The following NOX4 variants were observed in gnomAD, a reference collection of about 807,000 sequenced individuals.
NOX4 encodes kidney oxidase-1.
NOX4 carries 69 observed loss-of-function variants against 87.6 expected under a neutral mutation model. That is an observed-to-expected ratio of 0.79 (90% confidence interval 0.65 to 0.96). The LOEUF (loss-of-function observed/expected upper bound fraction) is 0.96. NOX4 is among the 40% of genes least tolerant of loss of function. The pLI is 0.00. For missense variants in NOX4, 680 were observed against 681.5 expected, an observed-to-expected ratio of 1.00 and a Z score of 0.02; for synonymous variants, 275 against 238.2, an observed-to-expected ratio of 1.15 and a Z score of -1.42.
At chr11:89,386,212 C>A (rs1940690164) in intron 11 of NOX4, among the ~76,000 whole-genome samples, 1 of 152,126 alleles carries the variant, frequency 6.6e-6, no homozygotes, top group African/African-American at 2.4e-5. Flanking sequence ...AGGCCCCAGT[C>A]TCATTCTAGA....
At chr11:89,387,125 A>C (rs2135119711) in intron 11 of NOX4, among the ~76,000 whole-genome samples, 1 of 151,700 alleles carries the variant, frequency 6.6e-6, no homozygotes, top group East Asian at 1.9e-4. Flanking sequence ...ACCCCCAAAA[A>C]TTTTCGCCAC....
the NOX4 span, among the ~76,000 whole-genome samples, chr11:89,531,441 G>A: frequency 3.3e-5 from 5 of 152,148 alleles, no homozygotes; most frequent in East Asian, 7.7e-4. Context: ...AATACCAAAT[G>A]CTAGCTGCCT....
chr11:89,420,596 C>T (rs993304437), intron 8 of NOX4, among the ~76,000 whole-genome samples: 1 of 151,830 alleles, frequency 6.6e-6, no homozygotes, highest in Admixed American at 6.6e-5. Flanking sequence ...TCAGCAGTCT[C>T]TAAAATCAGG....
chr11:89,385,442 C>T (rs1940633231), intron 11 of NOX4, among the ~76,000 whole-genome samples: 1 of 152,138 alleles, frequency 6.6e-6, no homozygotes, highest in African/African-American at 2.4e-5. Context: ...CCACCTACTC[C>T]CCCACTGAAA....
At chr11:89,538,031 G>A in the NOX4 span, among the ~76,000 whole-genome samples, 2 of 152,052 alleles carry the variant, frequency 1.3e-5, no homozygotes, top group Non-Finnish European at 2.9e-5. Context: ...CCAGTCCCTG[G>A]CTCTCTGCTG....
chr11:89,588,129 A>G, the NOX4 span, among the ~76,000 whole-genome samples: 3 of 152,230 alleles, frequency 2.0e-5, no homozygotes, highest in African/African-American at 7.2e-5. Context: ...AACACATTTA[A>G]TGAAAATTAT....
chr11:89,558,221 T>G, the NOX4 span, among the ~76,000 whole-genome samples: 1 of 152,156 alleles, frequency 6.6e-6, no homozygotes, highest in Non-Finnish European at 1.5e-5. Flanking sequence ...TGCCCTTTAC[T>G]AATTCATGCA....
chr11:89,437,089 G>A (rs1176541847), intron 6 of NOX4, among the ~76,000 whole-genome samples: 9 of 151,950 alleles, frequency 5.9e-5, no homozygotes, highest in Non-Finnish European at 1.3e-4. Flanking sequence ...TCAGCTGGGC[G>A]CAGTGGCTCA....
upstream of NOX4, chr11:89,498,603 G>T (rs1946984579): frequency 6.6e-6 from 1 of 152,116 alleles, no homozygotes. Context: ...GCATATATTT[G>T]GGTACCTTTG....
chr11:89,402,957 A>G (rs748080645), intron 8 of NOX4, among the ~76,000 whole-genome samples: 8 of 152,192 alleles, frequency 5.3e-5, no homozygotes, highest in Non-Finnish European at 1.0e-4. Context: ...CAGGGAATAT[A>G]TTTAACTTGG....
intron 8 of NOX4, among the ~76,000 whole-genome samples, chr11:89,414,210 T>G (rs575076456): frequency 6.6e-6 from 1 of 152,212 alleles, no homozygotes; most frequent in South Asian, 2.1e-4. Context: ...AATACCAAAA[T>G]GTGTGGGATA....
intron 8 of NOX4, 98 bp from the exon 9 acceptor site, chr11:89,402,640 T>C: frequency 1.0e-6 from 1 of 955,286 alleles, no homozygotes; most frequent in Non-Finnish European, 1.6e-6. Flanking sequence ...TGTTTTTGTT[T>C]GCTAACTTTA....
At chr11:89,556,946 A>C in the NOX4 span, 2 of 152,192 alleles carry the variant, frequency 1.3e-5, no homozygotes, top group African/African-American at 2.4e-5. Flanking sequence ...TGTTTTAATG[A>C]AAATGTGATG....
At chr11:89,423,483 T>C (rs543371530) in intron 7 of NOX4, among the ~76,000 whole-genome samples, 1 of 152,180 alleles carries the variant, frequency 6.6e-6, no homozygotes, top group Non-Finnish European at 1.5e-5. Flanking sequence ...CAGGTTCTTA[T>C]ATATTGCAAG....
At chr11:89,426,464 CTTGGCTAGCCAAGG>C (rs974524805) in intron 7 of NOX4, among the ~76,000 whole-genome samples, 7 of 151,968 alleles carry the variant, frequency 4.6e-5, no homozygotes, top group African/African-American at 1.7e-4. Flanking sequence ...AAGGAATTCC[CTTGGCTAGCCAAGG>C]GAAGCTGTGA....
intron 11 of NOX4, among the ~76,000 whole-genome samples, chr11:89,384,766 A>G (rs1391101789): frequency 6.6e-6 from 1 of 152,128 alleles, no homozygotes; most frequent in Non-Finnish European, 1.5e-5. Context: ...CAGAATTCTT[A>G]CACAAGAGCT....
upstream of NOX4, among the ~76,000 whole-genome samples, chr11:89,493,810 C>T (rs1181872191): frequency 6.6e-6 from 1 of 151,320 alleles, no homozygotes; most frequent in Non-Finnish European, 1.5e-5. Context: ...AGTGCAATGT[C>T]GTAATCTCGG....
At chr11:89,550,994 C>T in the NOX4 span, among the ~76,000 whole-genome samples, 1 of 152,166 alleles carries the variant, frequency 6.6e-6, no homozygotes, top group Admixed American at 6.5e-5. Context: ...TTTCAGTTTT[C>T]TGCATATGGC....
At chr11:89,508,897 G>A in the NOX4 span, among the ~76,000 whole-genome samples, 2 of 151,998 alleles carry the variant, frequency 1.3e-5, no homozygotes, top group Admixed American at 6.6e-5. Flanking sequence ...AAGCTGCAAA[G>A]TTTCCATTGC....
Sources: gnomAD v4.1 joint callset for allele counts (sites outside exome capture counted in the v4.1 genomes callset) on GRCh38, gnomAD v4.1.1 for gene constraint, MANE v1.5 for transcripts, NCBI Gene and HGNC (gene_info 2026-07-23, HGNC 2026-07-21) for gene names.